The following XPNPEP3 variants were observed in gnomAD, a reference collection of about 807,000 sequenced individuals.
The protein encoded by XPNPEP3 is X-prolyl aminopeptidase 3.
In XPNPEP3, 41 loss-of-function variants were observed where a neutral mutation model predicts 60.0. That is an observed-to-expected ratio of 0.68 (90% CI 0.53 to 0.89). The LOEUF is 0.89. XPNPEP3 is among the 40% of genes least tolerant of loss of function. The pLI is 0.00. For synonymous variants in XPNPEP3, 212 were observed against 223.2 expected (o/e 0.95, Z 0.45); for missense variants, 598 against 638.9 (o/e 0.94, Z 0.69).
At position 40,886,424 on chromosome 22, in the gene XPNPEP3, G is replaced by T. The variant is rs201758014; in HGVS notation, c.701G>T (p.Arg234Leu). ...AAAGCCAAGAGCAAGAACAAGGTTC[G>T]GGGTGTTCAGCAGCTGATACAGCGC... Reference protein sequence around the residue: ...EAKAKSKNKVRGVQQLIQRLR... With the variant: ...EAKAKSKNKVLGVQQLIQRLR... The change falls in exon 4 of 10, where the codon CGG (arginine) becomes CTG (leucine). Residue 234 changes from arginine to leucine, a missense_variant. Physicochemically the swap from Arg to Leu is moderately radical, Grantham distance 102 (BLOSUM62 -2). Transcript: ENST00000357137. 8 of 1,614,032 alleles carry T rather than the reference G, an allele frequency of 5.0e-6. No homozygotes were observed. The African/African-American group carries it at 9.3e-5, about 19-fold the overall frequency.
At chr22:40,924,563 G>C (rs922265071) in intron 9 of XPNPEP3, 81 bp downstream of exon 9, 1 of 1,566,068 alleles carries the variant, frequency 6.4e-7, no homozygotes, top group African/African-American at 1.4e-5. Context: ...TTGCTCTTTC[G>C]CCCAGGCTGG....
At chr22:40,862,158 T>C (rs1197140739) in intron 1 of XPNPEP3, 5 of 1,430,056 alleles carry the variant, frequency 3.5e-6, no homozygotes, top group Non-Finnish European at 4.6e-6. Flanking sequence ...GGATACTGAT[T>C]ATGTGGCAAG....
intron 4 of XPNPEP3, among the ~76,000 whole-genome samples, chr22:40,900,079 T>C (rs540778657): frequency 2.2e-4 from 34 of 151,278 alleles, no homozygotes; most frequent in Non-Finnish European, 4.4e-4. Context: ...ATTAAATAAA[T>C]ACATAAATAA....
chr22:40,885,223 C>T (rs2058064034), intron 3 of XPNPEP3, among the ~76,000 whole-genome samples: 1 of 152,190 alleles, frequency 6.6e-6, no homozygotes, highest in South Asian at 2.1e-4. Flanking sequence ...CCTCTACTTT[C>T]CCCAAAGTAC....
intron 4 of XPNPEP3, among the ~76,000 whole-genome samples, chr22:40,904,980 G>A (rs1246239918): frequency 6.6e-6 from 1 of 152,108 alleles, no homozygotes; most frequent in Non-Finnish European, 1.5e-5. Flanking sequence ...TGTTGGCCAG[G>A]CTGGTCTCGA....
chr22:40,861,350 A>T, intron 1 of XPNPEP3: 1 of 1,614,150 alleles, frequency 6.2e-7, no homozygotes, highest in Non-Finnish European at 8.5e-7. Flanking sequence ...ACTCTCCATT[A>T]TCTTCAGCTT....
intron 3 of XPNPEP3, 139 bp from the exon 4 acceptor site, chr22:40,886,174 G>C: frequency 2.5e-6 from 2 of 806,764 alleles, no homozygotes; most frequent in Non-Finnish European, 4.2e-6. Flanking sequence ...AGTCCTGAGA[G>C]AGTCTTAAGT....
chr22:40,923,657 A>C (rs1409275844), intron 8 of XPNPEP3, among the ~76,000 whole-genome samples: 1 of 151,970 alleles, frequency 6.6e-6, no homozygotes, highest in Non-Finnish European at 1.5e-5. Flanking sequence ...TTCGAGACCA[A>C]CCTGGCCAAC....
intron 3 of XPNPEP3, 137 bp downstream of exon 3, chr22:40,882,314 GT>G: frequency 1.0e-6 from 1 of 1,000,916 alleles, no homozygotes. Context: ...GAAATGTAAA[GT>G]CTTTTTCAGA....
At chr22:40,906,142 T>C (rs2058154606) in intron 4 of XPNPEP3, among the ~76,000 whole-genome samples, 3 of 152,134 alleles carry the variant, frequency 2.0e-5, no homozygotes, top group South Asian at 2.1e-4. Flanking sequence ...TGTCTCACTA[T>C]GTTGCCCAGG....
rs2146285526 is a variant in XPNPEP3 at position 40,929,459 on chromosome 22, G to A, written c.*3024G>A. On this transcript the variant is annotated 3_prime_UTR_variant, in exon 10 of 10. Coordinates refer to ENST00000357137, the MANE Select transcript of XPNPEP3 (RefSeq NM_022098.4). The stretch of plus-strand genomic sequence containing the variant: ...GCCCGCCTCGGCCTCCCTAAGTGCT[G>A]CGATTACAGACGTGAGCCACCGCAC... 6.6e-6 allele frequency: 1 copy of A among 152,166 alleles called. No homozygotes were observed. Among genetic ancestry groups the A allele is most frequent in the African/African-American group, 2.4e-5 (1 of 41,508 alleles). 9.4% of individuals were successfully genotyped at this position (152,166 alleles called of 1,614,324 possible).
rs746383784 is a variant in XPNPEP3 at position 40,922,387 on chromosome 22, T to C, written c.1110T>C (p.Asp370=). 1 of 1,613,694 alleles carries C rather than the reference T, an allele frequency of 6.2e-7. No individual in the cohort carries two copies. ...LYEAVLEIQR[D]CLALCFPGTS... The stretch of plus-strand genomic sequence containing the variant: ...AAGCCGTTCTAGAGATCCAAAGAGA[T>C]TGTTTGGCCCTCTGCTTCCCTGGGA... Residue 370 remains aspartate, a synonymous_variant, in exon 8 of 10, where the codon GAT becomes GAC. Transcript: ENST00000357137.
intron 4 of XPNPEP3, chr22:40,888,533 C>T (rs2058077509): frequency 8.2e-6 from 2 of 244,590 alleles, no homozygotes; most frequent in South Asian, 7.3e-5. Flanking sequence ...TATGAGCTGC[C>T]ATGCCCAGCT....
chr22:40,913,584 G>GT (rs941767455), intron 6 of XPNPEP3, among the ~76,000 whole-genome samples: 85 of 150,674 alleles, frequency 5.6e-4, no homozygotes, highest in Middle Eastern at 3.4e-3. Context: ...AGGCATATGG[G>GT]TTTTTTTTTC....
chr22:40,925,767 C>T (rs2058232565), intron 9 of XPNPEP3, among the ~76,000 whole-genome samples: 1 of 152,136 alleles, frequency 6.6e-6, no homozygotes, highest in Non-Finnish European at 1.5e-5. Context: ...CTTATAATGA[C>T]TGTCTCTGCA....
At chr22:40,889,965 A>G (rs1047750144) in intron 4 of XPNPEP3, among the ~76,000 whole-genome samples, 1 of 152,188 alleles carries the variant, frequency 6.6e-6, no homozygotes, top group Middle Eastern at 3.2e-3. Flanking sequence ...GGCCTCCTTG[A>G]TCCACAGTTT....
intron 2 of XPNPEP3, among the ~76,000 whole-genome samples, chr22:40,871,003 TG>T (rs2058002883): frequency 6.6e-6 from 1 of 151,792 alleles, no homozygotes; most frequent in African/African-American, 2.4e-5. Context: ...CACTCCAGCT[TG>T]GGGGACAGAG....
chr22:40,861,144 G>A, intron 1 of XPNPEP3: 7 of 1,613,850 alleles, frequency 4.3e-6, no homozygotes, highest in Non-Finnish European at 5.1e-6. Context: ...TTTGACTCCT[G>A]CTGAGAAAAT....
chr22:40,880,140 A>G (rs573915519), intron 2 of XPNPEP3, among the ~76,000 whole-genome samples: 6 of 152,166 alleles, frequency 3.9e-5, no homozygotes, highest in Non-Finnish European at 8.8e-5. Context: ...GACTATCCCC[A>G]TAATAATTAA....
Sources: gnomAD v4.1 joint callset for allele counts (sites outside exome capture counted in the v4.1 genomes callset) on GRCh38, gnomAD v4.1.1 for gene constraint, MANE v1.5 for transcripts, NCBI Gene and HGNC (gene_info 2026-07-23, HGNC 2026-07-21) for gene names.